The following CFHR3 variants were observed in gnomAD, a reference collection of about 807,000 sequenced individuals.
CFHR3 encodes complement factor H-related protein 3.
In CFHR3, 22 loss-of-function variants were observed where a neutral mutation model predicts 36.0. The observed-to-expected ratio is 0.61, with a 90% CI of 0.44 to 0.87. The LOEUF (loss-of-function observed/expected upper bound fraction) is 0.87, where lower values mean the gene tolerates loss of function less well. Among genes scored for constraint, CFHR3 ranks in the 40% least tolerant of loss-of-function variants. The pLI, the probability that CFHR3 is intolerant of heterozygous loss-of-function variation, is 0.00. For missense variants in CFHR3, 276 were observed against 401.3 expected (o/e 0.69, Z 2.67); for synonymous variants, 97 against 137.4 (o/e 0.71, Z 2.06).
chr1:196,787,924 T>G (rs1654271504), intron 3 of CFHR3, among the ~76,000 whole-genome samples: 1 of 136,814 alleles, frequency 7.3e-6, no homozygotes, highest in Non-Finnish European at 1.5e-5. Context: ...AAAATTTCAT[T>G]AGGGACTGGA....
chr1:196,780,249 G>A (rs1237551279), intron 3 of CFHR3, among the ~76,000 whole-genome samples: 1 of 136,900 alleles, frequency 7.3e-6, no homozygotes, highest in Non-Finnish European at 1.5e-5. Context: ...ATATTGAAGC[G>A]GCATTAATGT....
In CFHR3 at chr1:196,791,443, C is replaced by A. The variant is rs182412598; in HGVS notation, c.796+1216C>A. 7.6e-5 allele frequency among the ~76,000 whole-genome samples: 10 copies of A among 131,074 alleles called. No homozygotes were observed. The East Asian group carries it at 2.0e-3, about 26-fold the overall frequency. 86.0% of individuals were successfully genotyped at this position (131,074 alleles called of 152,430 possible). Reference sequence around the variant, plus strand: ...GTCCTTGAATGTCAGATAACCTATTCCTATCACAGCTCTTAAACTGTAAGT... The same window carrying A: ...GTCCTTGAATGTCAGATAACCTATTACTATCACAGCTCTTAAACTGTAAGT... On this transcript the variant is annotated intron_variant, in intron 5 of 5. Coordinates refer to ENST00000367425, the MANE Select transcript of CFHR3 (RefSeq NM_021023.6).
In CFHR3 at chr1:196,794,485, G is replaced by T; in HGVS notation, c.*972G>T. The T allele has an allele frequency of 1.6e-5, 6 of 380,046 alleles. No individual in the cohort carries two copies. The highest frequency in any genetic ancestry group is 1.3e-4 in the South Asian group (6 of 45,944). The allele number at this position is 380,046 out of a possible 1,614,324, so 23.5% of individuals were successfully genotyped here. A position where few individuals can be genotyped will look rare whatever the true frequency, so the allele number is the denominator to read the frequency against. ...CTTAAAAATAAATAAATAGGATGCT[G>T]AAAATTCCTATTTAAGGAAATAATT... is the stretch of plus-strand genomic sequence containing the variant. On this transcript the variant is annotated 3_prime_UTR_variant, in exon 6 of 6. Transcript: ENST00000367425.
In CFHR3 at chr1:196,779,580, A is replaced by G. The variant is rs111383822; in HGVS notation, c.254-217A>G. ...ATGAGAATATCTATATAGTTTATAC[A>G]TATTTTAATTATGAAAACTAAAGAG... On this transcript the variant is annotated intron_variant, in intron 2 of 5. Transcript: ENST00000367425. 1.2e-4 allele frequency among the ~76,000 whole-genome samples: 16 copies of G among 137,094 alleles called. 3 individuals carry two copies. Among genetic ancestry groups the G allele is most frequent in the Non-Finnish European group, 1.4e-4 (9 of 64,626 alleles). The allele number at this position is 137,094 out of a possible 152,430, so 89.9% of individuals were successfully genotyped here. A position where few individuals can be genotyped will look rare whatever the true frequency, so the allele number is the denominator to read the frequency against.
intron 3 of CFHR3, among the ~76,000 whole-genome samples, chr1:196,782,688 T>G (rs1164379303): frequency 7.3e-6 from 1 of 137,212 alleles, no homozygotes; most frequent in East Asian, 2.0e-4. Context: ...GCTAATCAGC[T>G]TTAGGAGATT....
chr1:196,786,950 G>T (rs774975688), intron 3 of CFHR3, among the ~76,000 whole-genome samples: 2 of 137,212 alleles, frequency 1.5e-5, no homozygotes, highest in Non-Finnish European at 3.1e-5. Flanking sequence ...CATCTTGGCT[G>T]CCCTCTATGA....
In CFHR3 at chr1:196,775,177, G is replaced by C. The variant is rs1417753681; in HGVS notation, c.58+233G>C. On this transcript the variant is annotated intron_variant, in intron 1 of 5. Transcript: ENST00000367425. ...TTATTTGTTTTCTAAGTTCTACAGT[G>C]TAAAAGGCATTTAATATTGATTATG... 2.9e-5 allele frequency among the ~76,000 whole-genome samples: 4 copies of C among 136,798 alleles called. 2 individuals are homozygous for C. The South Asian group carries it at 1.0e-3, about 35-fold the overall frequency. The allele number at this position is 136,798 out of a possible 152,430, so 89.7% of individuals were successfully genotyped here. A position where few individuals can be genotyped will look rare whatever the true frequency, so the allele number is the denominator to read the frequency against.
chr1:196,791,657 C>T lies in CFHR3; in HGVS notation c.796+1430C>T, dbSNP rs541827641. Among the ~76,000 whole-genome samples, 7 of 132,270 alleles carry T rather than the reference C, an allele frequency of 5.3e-5. 1 individual carries two copies. The South Asian group carries it at 1.8e-3, about 35-fold the overall frequency. The allele number at this position is 132,270 out of a possible 152,430, so 86.8% of individuals were successfully genotyped here. ...TAATTATTGTCCCCTACTTAAGTAT[C>T]CACTTCTGTAGATGATCATGTCCAA... On this transcript the variant is annotated intron_variant, in intron 5 of 5. Coordinates refer to ENST00000367425, the MANE Select transcript of CFHR3 (RefSeq NM_021023.6).
At chr1:196,776,343 C>T (rs1409828596) in intron 1 of CFHR3, among the ~76,000 whole-genome samples, 1 of 137,338 alleles carries the variant, frequency 7.3e-6, no homozygotes, top group Non-Finnish European at 1.5e-5. Context: ...GAAAGTAACT[C>T]ATTTAGTGGA....
Position 196,792,777 on chromosome 1 carries a change from T to TTATG in CFHR3, c.797-520_797-517dup, listed in dbSNP as rs145981018. Among the ~76,000 whole-genome samples, 63 of 134,172 alleles carry TTATG rather than the reference T, an allele frequency of 4.7e-4. 11 individuals are homozygous for TTATG. Among genetic ancestry groups the TTATG allele is most frequent in the African/African-American group, 1.3e-3 (40 of 31,694 alleles). The allele number at this position is 134,172 out of a possible 152,430, so 88.0% of individuals were successfully genotyped here. On this transcript the variant is annotated intron_variant, in intron 5 of 5. Transcript: ENST00000367425. ...ATAACTGATAGATATTGAGGTATATTTATGTATGTATGTATGTATGTATAT... is the reference window on the plus strand; with the variant it reads ...ATAACTGATAGATATTGAGGTATATTTATGTATGTATGTATGTATGTATGTATAT...
At chr1:196,778,176 C>G (rs1375608034) in intron 1 of CFHR3, among the ~76,000 whole-genome samples, 1 of 134,678 alleles carries the variant, frequency 7.4e-6, no homozygotes, top group Admixed American at 7.2e-5. Context: ...TGCATCCATG[C>G]TTGAGGGACT....
Position 196,789,699 on chromosome 1 carries a change from A to G in CFHR3, c.614-346A>G. On this transcript the variant is annotated intron_variant, in intron 4 of 5. Coordinates refer to ENST00000367425, the MANE Select transcript of CFHR3 (RefSeq NM_021023.6). ...GATGGATATGAAATCAGTTATGGAA[A>G]CACCACAGGTTCCATAGTGTGTGGT... 2.7e-6 allele frequency: 4 copies of G among 1,475,606 alleles called. 1 individual carries two copies. The highest frequency in any genetic ancestry group is 1.8e-5 in the Admixed American group (1 of 55,624). The allele number at this position is 1,475,606 out of a possible 1,614,324, so 91.4% of individuals were successfully genotyped here.
chr1:196,789,703 C>G, intron 4 of CFHR3: 6 of 1,469,676 alleles, frequency 4.1e-6, no homozygotes, highest in Non-Finnish European at 5.5e-6. Context: ...ATGGAAACAC[C>G]ACAGGTTCCA....
chr1:196,780,469 T>C (rs1653901911), intron 3 of CFHR3, among the ~76,000 whole-genome samples: 1 of 137,692 alleles, frequency 7.3e-6, no homozygotes, highest in South Asian at 2.5e-4. Flanking sequence ...GGCTATAAAA[T>C]GGTATAGCAT....
chr1:196,779,331 G>A lies in CFHR3; in HGVS notation c.228G>A (p.Gly76=). The A allele has an allele frequency of 1.3e-6, 2 of 1,524,576 alleles. No individual in the cohort carries two copies. The highest frequency in any genetic ancestry group is 1.8e-6 in the Non-Finnish European group (2 of 1,126,112). 94.4% of individuals were successfully genotyped at this position (1,524,576 alleles called of 1,614,324 possible). The change falls in exon 2 of 6, where the codon GGG becomes GGA. Residue 76 remains glycine, a synonymous_variant. Coordinates refer to ENST00000367425, the MANE Select transcript of CFHR3 (RefSeq NM_021023.6). ...ATTACATTCATTGCACACAAAATGG[G>A]TGGTCACCAGCAGTACCATGTCTCA... The part of the protein sequence containing the change: ...YWDYIHCTQN[G]WSPAVPCLRK...
rs561640524 is a variant in CFHR3 at position 196,780,792 on chromosome 1, TC to T, written c.430+820del. ...TTTTTCATGATGAATGTTTTTTGGT[TC>T]TTTTTTTATATTTTATTATTATTAT... On this transcript the variant is annotated intron_variant, in intron 3 of 5. Coordinates refer to ENST00000367425, the MANE Select transcript of CFHR3 (RefSeq NM_021023.6). 2.1e-3 allele frequency among the ~76,000 whole-genome samples: 283 copies of T among 134,682 alleles called. 51 individuals carry two copies. The highest frequency in any genetic ancestry group is 0.015 in the South Asian group (60 of 3,904). 88.4% of individuals were successfully genotyped at this position (134,682 alleles called of 152,430 possible). A position where few individuals can be genotyped will look rare whatever the true frequency, so the allele number is the denominator to read the frequency against.
chr1:196,779,033 G>A lies in CFHR3; in HGVS notation c.59-129G>A, dbSNP rs1653840308. ...TTATACAGATGAGAGGTCAGGATCA[G>A]GAAACTAGTTATGGTTGCTGTAATT... On this transcript the variant is annotated intron_variant, in intron 1 of 5. Transcript: ENST00000367425. 2.7e-5 allele frequency: 20 copies of A among 740,704 alleles called. 7 individuals are homozygous for A. In the South Asian group the frequency reaches 3.9e-4, roughly 14 times the overall value. 45.9% of individuals were successfully genotyped at this position (740,704 alleles called of 1,614,324 possible). A position where few individuals can be genotyped will look rare whatever the true frequency, so the allele number is the denominator to read the frequency against.
intron 3 of CFHR3, among the ~76,000 whole-genome samples, chr1:196,787,110 A>G (rs370789): frequency 0.3 from 41,318 of 136,290 alleles, 12,377 homozygotes; most frequent in East Asian, 0.53. Context: ...GAAACCGCAT[A>G]ATAATTATGG....
intron 1 of CFHR3, among the ~76,000 whole-genome samples, chr1:196,778,635 G>A (rs1458754685): frequency 7.4e-6 from 1 of 134,712 alleles, no homozygotes. Flanking sequence ...GCATGCCATC[G>A]AATACAAACA....
Sources: allele counts gnomAD v4.1 joint callset (sites outside exome capture counted in the v4.1 genomes callset), GRCh38; gene constraint gnomAD v4.1.1; transcripts MANE v1.5; gene names NCBI Gene and HGNC (gene_info 2026-07-23, HGNC 2026-07-21).